DYM: variants seen among roughly 807,000 people sequenced by gnomAD.
DYM encodes dyggve-Melchior-Clausen syndrome protein.
A neutral mutation model predicts 93.1 loss-of-function variants in DYM; 78 were observed. The ratio of observed to expected loss-of-function variants is 0.84; its 90% confidence interval spans 0.70 to 1.01. DYM has a LOEUF of 1.01. DYM is among the 50% of genes least tolerant of loss of function. The pLI is 0.00. For synonymous variants in DYM, 321 were observed against 319.7 expected (o/e 1.00, Z -0.04); for missense variants, 789 against 845.0 (o/e 0.93, Z 0.82).
chr18:49,142,430 G>A (rs1026184148), intron 15 of DYM, among the ~76,000 whole-genome samples: 2 of 152,060 alleles, frequency 1.3e-5, no homozygotes, highest in African/African-American at 4.8e-5. Context: ...ACTGAAGCTT[G>A]GACATATGAA....
At chr18:49,196,989 G>C (rs1045914105) in intron 14 of DYM, among the ~76,000 whole-genome samples, 1 of 152,176 alleles carries the variant, frequency 6.6e-6, no homozygotes, top group Non-Finnish European at 1.5e-5. Flanking sequence ...GATGTAGTGA[G>C]GATGAATACA....
intron 13 of DYM, among the ~76,000 whole-genome samples, chr18:49,223,017 G>C (rs554393472): frequency 6.6e-6 from 1 of 152,188 alleles, no homozygotes; most frequent in East Asian, 1.9e-4. Context: ...TGATATGATA[G>C]AATATGAAAT....
intron 15 of DYM, among the ~76,000 whole-genome samples, chr18:49,120,876 C>G (rs1323216227): frequency 6.6e-6 from 1 of 152,054 alleles, no homozygotes; most frequent in Non-Finnish European, 1.5e-5. Flanking sequence ...TGCAGTGGTG[C>G]AACCCTAGCT....
At chr18:49,314,200 A>G (rs1480610782) in intron 8 of DYM, among the ~76,000 whole-genome samples, 1 of 152,230 alleles carries the variant, frequency 6.6e-6, no homozygotes, top group African/African-American at 2.4e-5. Context: ...TAATTTTGCC[A>G]GTTTTCAAAA....
chr18:49,209,795 A>C (rs1445145920), intron 13 of DYM, 80 bp from the exon 14 acceptor site: 2 of 1,004,048 alleles, frequency 2.0e-6, no homozygotes, highest in African/African-American at 3.4e-5. Context: ...TTATGTCCTC[A>C]AAGCTTTCTG....
At chr18:49,160,334 C>A (rs1448923419) in intron 15 of DYM, among the ~76,000 whole-genome samples, 2 of 152,132 alleles carry the variant, frequency 1.3e-5, no homozygotes, top group African/African-American at 2.4e-5. Context: ...AGTACTAATA[C>A]TAATGTTTTT....
In DYM at chr18:49,430,362, A is replaced by C; in HGVS notation, c.33T>G (p.Leu11=). 1 of 1,613,976 alleles carries C rather than the reference A, an allele frequency of 6.2e-7. No individual in the cohort carries two copies. ...ACTTTTTCAAGTACTCATTTTTAGGAAGATCGCCGATTCTGCTGCTATTCG... is the reference window on the plus strand; with the variant it reads ...ACTTTTTCAAGTACTCATTTTTAGGCAGATCGCCGATTCTGCTGCTATTCG... MGSNSSRIGD[L]PKNEYLKKLS... is the part of the protein sequence containing the mutation. Residue 11 remains leucine (L), a synonymous_variant, in exon 2 of 18, where the codon CTT becomes CTG. Transcript: ENST00000675505.
intron 14 of DYM, chr18:49,208,332 G>T (rs1263338007): frequency 6.6e-6 from 1 of 152,084 alleles, no homozygotes; most frequent in African/African-American, 2.4e-5. Flanking sequence ...CAACTTACCT[G>T]ATATTCCCTC....
At chr18:49,348,436 G>A (rs2064800735) in intron 6 of DYM, among the ~76,000 whole-genome samples, 1 of 152,088 alleles carries the variant, frequency 6.6e-6, no homozygotes, top group South Asian at 2.1e-4. Flanking sequence ...ATTTATAAAA[G>A]TCTTAACACT....
intron 2 of DYM, among the ~76,000 whole-genome samples, chr18:49,408,373 A>G (rs2071771982): frequency 6.6e-6 from 1 of 152,202 alleles, no homozygotes; most frequent in Admixed American, 6.5e-5. Context: ...ATTGCTATGA[A>G]TGTCTTTACA....
intron 8 of DYM, among the ~76,000 whole-genome samples, chr18:49,301,483 T>G (rs2060928932): frequency 7.0e-6 from 1 of 142,604 alleles, no homozygotes; most frequent in Admixed American, 7.3e-5. Context: ...ATTGCACCAC[T>G]GCGCTCCAGC....
intron 17 of DYM, among the ~76,000 whole-genome samples, chr18:49,056,886 T>C (rs1166694117): frequency 3.3e-5 from 5 of 152,220 alleles, no homozygotes; most frequent in Non-Finnish European, 5.9e-5. Context: ...AAGACATGTT[T>C]TTGCCACATT....
chr18:49,145,543 T>G (rs1386336658), intron 15 of DYM, among the ~76,000 whole-genome samples: 1 of 151,484 alleles, frequency 6.6e-6, no homozygotes, highest in African/African-American at 2.4e-5. Flanking sequence ...TCACTTTCTT[T>G]ATAGGTAACT....
At chr18:49,394,400 T>A (rs2069781375) in intron 2 of DYM, among the ~76,000 whole-genome samples, 2 of 152,318 alleles carry the variant, frequency 1.3e-5, no homozygotes, top group African/African-American at 2.4e-5. Flanking sequence ...TGTTTTTTTT[T>A]ATACCAGTAC....
At chr18:49,324,986 G>C (rs891447105) in intron 8 of DYM, among the ~76,000 whole-genome samples, 1 of 152,164 alleles carries the variant, frequency 6.6e-6, no homozygotes, top group Non-Finnish European at 1.5e-5. Flanking sequence ...CAAATCTTCT[G>C]ATTCTGATTA....
intron 11 of DYM, among the ~76,000 whole-genome samples, chr18:49,268,845 T>C (rs1365062145): frequency 6.6e-6 from 1 of 152,164 alleles, no homozygotes; most frequent in Non-Finnish European, 1.5e-5. Flanking sequence ...AAAAGTTGAT[T>C]ACATCAGTGA....
In DYM at chr18:49,053,457, T is replaced by G. The variant is rs74316216; in HGVS notation, c.2026-9253A>C. Among the ~76,000 whole-genome samples, 162 of 151,912 alleles carry G rather than the reference T, an allele frequency of 1.1e-3. No homozygotes were observed. The East Asian group carries it at 0.027, about 26-fold the overall frequency. On this transcript the variant is annotated intron_variant, in intron 17 of 17. Transcript: ENST00000675505. ...TACAATTTAAAATCCAATAGCTACA[T>G]AGCAGATTGAAAAAAAAAATTCAAG... is the stretch of plus-strand genomic sequence containing the variant.
intron 6 of DYM, among the ~76,000 whole-genome samples, chr18:49,356,007 C>A: frequency 6.6e-6 from 1 of 152,100 alleles, no homozygotes; most frequent in East Asian, 1.9e-4. Flanking sequence ...GTGATTTTGT[C>A]TCCAAACCAT....
At chr18:49,095,636 C>G (rs1189943929) in intron 17 of DYM, among the ~76,000 whole-genome samples, 1 of 152,128 alleles carries the variant, frequency 6.6e-6, no homozygotes, top group African/African-American at 2.4e-5. Flanking sequence ...AAATCAGAGT[C>G]AACTTGCCTG....
Sources: allele counts gnomAD v4.1 joint callset (sites outside exome capture counted in the v4.1 genomes callset), GRCh38; gene constraint gnomAD v4.1.1; transcripts MANE v1.5; gene names NCBI Gene and HGNC (gene_info 2026-07-23, HGNC 2026-07-21).